XPO4: variants seen among roughly 807,000 people sequenced by gnomAD.
XPO4 encodes exportin-4.
XPO4 carries 39 observed loss-of-function variants against 143.0 expected under a neutral mutation model. The observed-to-expected ratio is 0.27, with a 90% CI of 0.21 to 0.36. The LOEUF (loss-of-function observed/expected upper bound fraction) is 0.36, where lower values mean the gene tolerates loss of function less well. Among genes scored for constraint, XPO4 ranks in the 10% least tolerant of loss-of-function variants. The pLI is 1.00. For synonymous variants in XPO4, 439 were observed against 474.0 expected (o/e 0.93, Z 0.96); for missense variants, 907 against 1,348.0 (o/e 0.67, Z 5.12).
chr13:20,865,617 CAGAAACA>C, intron 2 of XPO4: 1 of 955,812 alleles, frequency 1.0e-6, no homozygotes, highest in Non-Finnish European at 1.2e-6. Context: ...TGAAACTAAA[CAGAAACA>C]TGAAGACAAA....
intron 1 of XPO4, among the ~76,000 whole-genome samples, chr13:20,897,523 C>A (rs1046156319): frequency 1.3e-5 from 2 of 152,124 alleles, no homozygotes; most frequent in Non-Finnish European, 2.9e-5. Flanking sequence ...ATAACTTTAC[C>A]AACCAACATT....
At chr13:20,852,493 T>G in intron 4 of XPO4, 1 of 985,386 alleles carries the variant, frequency 1.0e-6, no homozygotes, top group South Asian at 4.7e-5. Flanking sequence ...TTCGAACAAA[T>G]TCATAGAAAT....
chr13:20,858,647 G>A (rs755016047), intron 3 of XPO4, among the ~76,000 whole-genome samples: 9 of 151,974 alleles, frequency 5.9e-5, no homozygotes, highest in Admixed American at 5.2e-4. Flanking sequence ...CAAGGAGGGC[G>A]GATCATGAGG....
At position 20,843,898 on chromosome 13, in the gene XPO4, T is replaced by C; in HGVS notation, c.457-12A>G. On this transcript the variant is annotated splice_polypyrimidine_tract_variant and intron_variant, in intron 4 of 22. Coordinates refer to ENST00000255305, the MANE Select transcript of XPO4 (RefSeq NM_022459.5). ...CAGGCCAGAGTTTGCTGTAATTATT[T>C]GATAAGAAATAATTGTGAGGCATTA... 6.3e-7 allele frequency: 1 copy of C among 1,588,910 alleles called. No homozygotes were observed. Among genetic ancestry groups the C allele is most frequent in the Non-Finnish European group, 8.6e-7 (1 of 1,159,224 alleles).
At chr13:20,858,914 G>GTC (rs1170475489) in intron 3 of XPO4, among the ~76,000 whole-genome samples, 3 of 141,294 alleles carry the variant, frequency 2.1e-5, no homozygotes, top group Non-Finnish European at 4.8e-5. Flanking sequence ...ATATATATAT[G>GTC]TGTGTGTGTA....
chr13:20,899,273 T>C (rs1485279881), intron 1 of XPO4, among the ~76,000 whole-genome samples: 1 of 151,956 alleles, frequency 6.6e-6, no homozygotes, highest in Non-Finnish European at 1.5e-5. Flanking sequence ...ATTTAGACAT[T>C]TTCCATCAAG....
chr13:20,897,635 T>C (rs2060582632), intron 1 of XPO4, among the ~76,000 whole-genome samples: 1 of 152,216 alleles, frequency 6.6e-6, no homozygotes. Context: ...TTCTATATAC[T>C]GAAGAAATGT....
At chr13:20,793,349 T>C (rs1217331447) in intron 18 of XPO4, among the ~76,000 whole-genome samples, 1 of 152,218 alleles carries the variant, frequency 6.6e-6, no homozygotes, top group Non-Finnish European at 1.5e-5. Context: ...CTGAGCATTA[T>C]AGCATCAATT....
At chr13:20,878,791 T>C (rs746788371) in intron 1 of XPO4, among the ~76,000 whole-genome samples, 1 of 152,150 alleles carries the variant, frequency 6.6e-6, no homozygotes, top group African/African-American at 2.4e-5. Context: ...TTTTAAAAGA[T>C]TGTAGGCAAA....
chr13:20,862,617 T>C lies in XPO4; in HGVS notation c.317+100A>G, dbSNP rs369413717. On this transcript the variant is annotated intron_variant, in intron 3 of 22. Coordinates refer to ENST00000255305, the MANE Select transcript of XPO4 (RefSeq NM_022459.5). ...TGGAGATTATAGGTGTGAGCCACTA[T>C]ACCCACCCAAAAGTTTTTAAAATGC... The C allele has an allele frequency of 6.0e-5, 88 of 1,475,110 alleles. No homozygotes were observed. In the Admixed American group the frequency reaches 1.3e-3, roughly 21 times the overall value. The allele number at this position is 1,475,110 out of a possible 1,614,324, so 91.4% of individuals were successfully genotyped here.
At chr13:20,824,592 T>G (rs2059761196) in intron 7 of XPO4, among the ~76,000 whole-genome samples, 1 of 152,264 alleles carries the variant, frequency 6.6e-6, no homozygotes, top group South Asian at 2.1e-4. Context: ...AAATGCTTAA[T>G]TTTTATACAA....
At position 20,779,632 on chromosome 13, in the gene XPO4, G is replaced by A. The variant is rs1262156330; in HGVS notation, c.*4090C>T. Reference sequence around the variant, plus strand: ...CCAGTTCCTAGGAGGGAATCGCCACGGCCGACTTCAGCATTCTCGTCTTTA... The same window carrying A: ...CCAGTTCCTAGGAGGGAATCGCCACAGCCGACTTCAGCATTCTCGTCTTTA... On this transcript the variant is annotated 3_prime_UTR_variant, in exon 23 of 23. Coordinates refer to ENST00000255305, the MANE Select transcript of XPO4 (RefSeq NM_022459.5). The A allele has an allele frequency of 6.6e-6, 1 of 152,560 alleles. No homozygotes were observed. The highest frequency in any genetic ancestry group is 1.5e-5 in the Non-Finnish European group (1 of 68,036). 9.5% of individuals were successfully genotyped at this position (152,560 alleles called of 1,614,324 possible).
chr13:20,851,749 A>G (rs969947163), intron 4 of XPO4: 30 of 978,980 alleles, frequency 3.1e-5, no homozygotes, highest in Non-Finnish European at 3.5e-5. Context: ...GAAAGAAAGA[A>G]AGACAGAAAT....
intron 1 of XPO4, among the ~76,000 whole-genome samples, chr13:20,887,926 G>C (rs1404874622): frequency 2.0e-5 from 3 of 151,708 alleles, no homozygotes; most frequent in African/African-American, 7.3e-5. Flanking sequence ...TGTAATTCCG[G>C]CACTTTGGGA....
At chr13:20,808,808 C>T (rs905575118) in intron 11 of XPO4, among the ~76,000 whole-genome samples, 1 of 152,170 alleles carries the variant, frequency 6.6e-6, no homozygotes, top group Admixed American at 6.5e-5. Context: ...TTACAACAGG[C>T]ATTTGAAAAC....
intron 18 of XPO4, among the ~76,000 whole-genome samples, chr13:20,791,897 C>G (rs148054581): frequency 0.011 from 1,611 of 152,300 alleles, 15 homozygotes; most frequent in Middle Eastern, 0.027. Context: ...AATCTTTGTT[C>G]TGGTTGGAAG....
intron 15 of XPO4, 122 bp from the exon 16 acceptor site, chr13:20,799,461 G>C: frequency 1.2e-6 from 1 of 837,250 alleles, no homozygotes; most frequent in South Asian, 2.8e-5. Context: ...TTAAAGCAAA[G>C]TACAGTAAAC....
intron 3 of XPO4, 51 bp from the exon 4 acceptor site, chr13:20,855,816 A>G: frequency 6.6e-7 from 1 of 1,514,098 alleles, no homozygotes; most frequent in Non-Finnish European, 8.8e-7. Flanking sequence ...CTAATACAAG[A>G]ATACTCCCAA....
intron 3 of XPO4, among the ~76,000 whole-genome samples, chr13:20,859,143 G>C (rs1261189220): frequency 6.6e-6 from 1 of 151,656 alleles, no homozygotes; most frequent in Non-Finnish European, 1.5e-5. Context: ...ACCAGCCTGG[G>C]CAACACAGCA....
Sources: gnomAD v4.1 joint callset for allele counts (sites outside exome capture counted in the v4.1 genomes callset) on GRCh38, gnomAD v4.1.1 for gene constraint, MANE v1.5 for transcripts, NCBI Gene and HGNC (gene_info 2026-07-23, HGNC 2026-07-21) for gene names.